The following FOXN3 variants were observed in gnomAD, a reference collection of about 807,000 sequenced individuals.
The protein encoded by FOXN3 is forkhead box N3, also known as forkhead box protein N3.
FOXN3 carries 7 observed loss-of-function variants against 38.4 expected under a neutral mutation model. The ratio of observed to expected loss-of-function variants is 0.18; its 90% CI spans 0.10 to 0.34. The LOEUF (loss-of-function observed/expected upper bound fraction) is 0.34. Among genes scored for constraint, FOXN3 ranks in the 10% least tolerant of loss-of-function variants. FOXN3 has a pLI of 1.00. For missense variants in FOXN3, 456 were observed against 613.4 expected (o/e 0.74, Z 2.71); for synonymous variants, 230 against 242.2 (o/e 0.95, Z 0.47).
intron 4 of FOXN3, among the ~76,000 whole-genome samples, chr14:89,183,788 G>A: frequency 6.6e-6 from 1 of 152,146 alleles, no homozygotes; most frequent in East Asian, 1.9e-4. Flanking sequence ...ACCATTAAAG[G>A]GTTTTGAGCA....
At chr14:89,447,269 C>G (rs1304043386) in intron 1 of FOXN3, among the ~76,000 whole-genome samples, 1 of 151,686 alleles carries the variant, frequency 6.6e-6, no homozygotes, top group Non-Finnish European at 1.5e-5. Flanking sequence ...CGTTGTAATG[C>G]CTTGGATACC....
chr14:89,450,288 T>C (rs923305567), intron 1 of FOXN3, among the ~76,000 whole-genome samples: 8 of 152,246 alleles, frequency 5.3e-5, no homozygotes, highest in Non-Finnish European at 7.3e-5. Flanking sequence ...TAGGGCAACC[T>C]AATCCATGGT....
At chr14:89,608,403 G>T (rs1030182731) in intron 1 of FOXN3, among the ~76,000 whole-genome samples, 5 of 152,298 alleles carry the variant, frequency 3.3e-5, no homozygotes, top group African/African-American at 1.2e-4. Context: ...GCCTCCCAAA[G>T]TGCTGGGATT....
At chr14:89,552,661 C>T (rs1363389077) in intron 1 of FOXN3, among the ~76,000 whole-genome samples, 1 of 152,110 alleles carries the variant, frequency 6.6e-6, no homozygotes, top group Non-Finnish European at 1.5e-5. Context: ...GAGTTTGAGA[C>T]CAGCCTGGCA....
At chr14:89,282,826 T>C (rs771007916) in intron 3 of FOXN3, among the ~76,000 whole-genome samples, 22 of 152,156 alleles carry the variant, frequency 1.4e-4, no homozygotes, top group African/African-American at 4.6e-4. Context: ...TGGAGCACTA[T>C]GGGGAATGAA....
intron 3 of FOXN3, among the ~76,000 whole-genome samples, chr14:89,293,277 C>T (rs1202707744): frequency 1.3e-5 from 2 of 152,228 alleles, no homozygotes; most frequent in African/African-American, 2.4e-5. Flanking sequence ...TCCCAGGGCA[C>T]GCTCTCCATG....
intron 1 of FOXN3, among the ~76,000 whole-genome samples, chr14:89,569,322 T>C (rs908122978): frequency 2.0e-5 from 3 of 152,236 alleles, no homozygotes; most frequent in African/African-American, 7.2e-5. Context: ...GAAAGTAGTA[T>C]TTAATACGTA....
At chr14:89,434,330 T>C (rs1596271935) in intron 1 of FOXN3, among the ~76,000 whole-genome samples, 1 of 143,768 alleles carries the variant, frequency 7.0e-6, no homozygotes, top group Non-Finnish European at 1.5e-5. Context: ...CGGATTCAAG[T>C]GATTCTCCTG....
At chr14:89,316,237 C>T (rs1194759412) in intron 3 of FOXN3, among the ~76,000 whole-genome samples, 1 of 152,130 alleles carries the variant, frequency 6.6e-6, no homozygotes, top group East Asian at 1.9e-4. Flanking sequence ...TGTGAGACCC[C>T]ACAGAGACAG....
chr14:89,543,899 C>A, intron 1 of FOXN3, among the ~76,000 whole-genome samples: 1 of 151,470 alleles, frequency 6.6e-6, no homozygotes, highest in East Asian at 1.9e-4. Context: ...ATATCCAAAA[C>A]CAATGGGGGT....
intron 5 of FOXN3, among the ~76,000 whole-genome samples, chr14:89,166,770 A>G (rs1331963361): frequency 6.6e-6 from 1 of 152,240 alleles, no homozygotes; most frequent in African/African-American, 2.4e-5. Context: ...CATAAGTTAC[A>G]CACAAAACTC....
intron 4 of FOXN3, among the ~76,000 whole-genome samples, chr14:89,183,274 A>G (rs192690020): frequency 6.6e-6 from 1 of 152,342 alleles, no homozygotes; most frequent in African/African-American, 2.4e-5. Flanking sequence ...AGGTAGAGCA[A>G]CAACTTAGTC....
chr14:89,458,230 T>G (rs1193363733), intron 1 of FOXN3, among the ~76,000 whole-genome samples: 1 of 152,094 alleles, frequency 6.6e-6, no homozygotes, highest in Non-Finnish European at 1.5e-5. Context: ...ATAAGAAATA[T>G]CTGTAGTTTT....
intron 1 of FOXN3, among the ~76,000 whole-genome samples, chr14:89,608,019 C>T (rs1896308621): frequency 6.6e-6 from 1 of 150,842 alleles, no homozygotes; most frequent in Non-Finnish European, 1.5e-5. Context: ...CGCTCTGTCA[C>T]CCAGACTGGA....
chr14:89,232,854 C>T (rs1353029796), intron 4 of FOXN3, among the ~76,000 whole-genome samples: 1 of 152,196 alleles, frequency 6.6e-6, no homozygotes, highest in Non-Finnish European at 1.5e-5. Flanking sequence ...GCCACTTCTG[C>T]CATTTCAAAA....
intron 2 of FOXN3, among the ~76,000 whole-genome samples, chr14:89,371,033 C>T (rs927096237): frequency 2.0e-5 from 3 of 152,224 alleles, no homozygotes; most frequent in Non-Finnish European, 4.4e-5. Flanking sequence ...CTAGGGACAA[C>T]TCACGGCTTG....
intron 1 of FOXN3, among the ~76,000 whole-genome samples, chr14:89,415,847 TACAC>T (rs5810462): frequency 0.33 from 46,777 of 140,348 alleles, 9,436 homozygotes; most frequent in Admixed American, 0.48. Context: ...AACTTTTCTC[TACAC>T]ACACACACAC....
At chr14:89,278,470 C>G (rs1886365182) in intron 4 of FOXN3, among the ~76,000 whole-genome samples, 1 of 152,196 alleles carries the variant, frequency 6.6e-6, no homozygotes, top group African/African-American at 2.4e-5. Flanking sequence ...CTCCATGAAG[C>G]AAGTTATCCC....
intron 4 of FOXN3, among the ~76,000 whole-genome samples, chr14:89,218,738 A>G (rs1387965796): frequency 1.3e-5 from 2 of 152,144 alleles, no homozygotes; most frequent in African/African-American, 2.4e-5. Context: ...GGCTGTGGAC[A>G]TGTGGGGCTG....
Sources: allele counts gnomAD v4.1 joint callset (sites outside exome capture counted in the v4.1 genomes callset), GRCh38; gene constraint gnomAD v4.1.1; transcripts MANE v1.5; gene names NCBI Gene and HGNC (gene_info 2026-07-23, HGNC 2026-07-21).